TOPBP1: variants seen among roughly 807,000 people sequenced by gnomAD.
TOPBP1 encodes DNA topoisomerase 2-binding protein 1.
TOPBP1 carries 28 observed loss-of-function variants against 167.7 expected under a neutral mutation model. That is an observed-to-expected ratio of 0.17 (90% CI 0.12 to 0.23). The LOEUF (loss-of-function observed/expected upper bound fraction) is 0.23, where lower values mean the gene tolerates loss of function less well. Among genes scored for constraint, TOPBP1 ranks in the 10% least tolerant of loss-of-function variants. The probability of loss-of-function intolerance (pLI) is 1.00; values close to 1 mark genes in which losing one functional copy is unlikely to be tolerated. For synonymous variants in TOPBP1, 598 were observed against 611.4 expected (o/e 0.98, Z 0.32); for missense variants, 1,554 against 1,809.6 (o/e 0.86, Z 2.56).
chr3:133,636,623 T>C (rs547303131), intron 14 of TOPBP1, among the ~76,000 whole-genome samples: 2 of 152,354 alleles, frequency 1.3e-5, no homozygotes, highest in South Asian at 4.1e-4. Context: ...AATGTATCTA[T>C]ATAAGAATGG....
At chr3:133,618,464 C>G (rs748581590) in intron 20 of TOPBP1, 31 bp from the exon 21 acceptor site, 37 of 1,596,382 alleles carry the variant, frequency 2.3e-5, no homozygotes, top group Non-Finnish European at 2.7e-5. Context: ...TTTAAATAAA[C>G]AGCAATAACA....
At chr3:133,637,271 G>A (rs1935707866) in intron 14 of TOPBP1, among the ~76,000 whole-genome samples, 3 of 152,236 alleles carry the variant, frequency 2.0e-5, no homozygotes, top group South Asian at 4.2e-4. Context: ...ATGAAAATCA[G>A]TTTTGGAAAA....
At chr3:133,637,582 G>GA (rs1177024378) in intron 14 of TOPBP1, among the ~76,000 whole-genome samples, 2 of 152,238 alleles carry the variant, frequency 1.3e-5, no homozygotes, top group East Asian at 3.9e-4. Context: ...TTCTTTGTAT[G>GA]AAAAAACAAA....
At chr3:133,636,397 A>ATAG (rs34803049) in intron 14 of TOPBP1, among the ~76,000 whole-genome samples, 1 of 11,360 alleles carries the variant, frequency 8.8e-5, no homozygotes, top group Non-Finnish European at 2.3e-4. Flanking sequence ...TTTGAAGATG[A>ATAG]TAAGATTATC....
chr3:133,610,913 T>C (rs989778102), intron 25 of TOPBP1, 91 bp downstream of exon 25: 1 of 1,351,562 alleles, frequency 7.4e-7, no homozygotes, highest in East Asian at 2.4e-5. Flanking sequence ...AGAATCATTA[T>C]TTCCTGAAGC....
At chr3:133,624,892 T>C (rs144773661) in intron 16 of TOPBP1, among the ~76,000 whole-genome samples, 112 of 152,356 alleles carry the variant, frequency 7.4e-4, no homozygotes, top group African/African-American at 2.5e-3. Context: ...GAGTAAATGA[T>C]AGAGATAACT....
intron 14 of TOPBP1, among the ~76,000 whole-genome samples, chr3:133,629,747 C>T (rs1935400097): frequency 1.3e-5 from 2 of 152,118 alleles, no homozygotes; most frequent in South Asian, 4.2e-4. Context: ...CTCTTTTATA[C>T]TGAATGAGGT....
At position 133,655,417 on chromosome 3, in the gene TOPBP1, G is replaced by A. The variant is rs1225562915; in HGVS notation, c.615C>T (p.Ile205=). 4 of 1,603,160 alleles carry A rather than the reference G, an allele frequency of 2.5e-6. No individual in the cohort carries two copies. Among genetic ancestry groups the A allele is most frequent in the Non-Finnish European group, 3.4e-6 (4 of 1,174,942 alleles). The change falls in exon 6 of 28, where the codon ATC becomes ATT. Residue 205 remains isoleucine (I), a synonymous_variant. Coordinates refer to ENST00000260810, the MANE Select transcript of TOPBP1 (RefSeq NM_007027.4). ...CTAAGCCACATAAGCCAGTCACACA[G>A]ATTATGCAACCAAGAAAAATAGGAC... ...FKCPIFLGCI[I]CVTGLCGLDR... is the part of the protein sequence containing the mutation.
rs1934275722 is a variant in TOPBP1 at position 133,601,071 on chromosome 3, T to C, written c.*179A>G. 4.4e-6 allele frequency: 2 copies of C among 457,554 alleles called. No individual in the cohort carries two copies. The highest frequency in any genetic ancestry group is 2.1e-5 in the African/African-American group (1 of 47,946). 28.3% of individuals were successfully genotyped at this position (457,554 alleles called of 1,614,324 possible). A position where few individuals can be genotyped will look rare whatever the true frequency, so the allele number is the denominator to read the frequency against. ...CAGGTAACTTTTTATTAAGAAACAGTTAATATTTCAGTGATTACAATTTCA... is the reference window on the plus strand; with the variant it reads ...CAGGTAACTTTTTATTAAGAAACAGCTAATATTTCAGTGATTACAATTTCA... On this transcript the variant is annotated 3_prime_UTR_variant, in exon 28 of 28. Transcript: ENST00000260810.
rs183286785 is a variant in TOPBP1 at position 133,658,885 on chromosome 3, C to T, written c.219+131G>A. Reference sequence around the variant, plus strand: ...AATTAGCCTTTCAATCCTGGTCTTGCCAAACCAAAAGAATTCCAATGTACT... The same window carrying T: ...AATTAGCCTTTCAATCCTGGTCTTGTCAAACCAAAAGAATTCCAATGTACT... On this transcript the variant is annotated intron_variant, in intron 3 of 27. Coordinates refer to ENST00000260810, the MANE Select transcript of TOPBP1 (RefSeq NM_007027.4). The T allele has an allele frequency of 1.9e-4, 191 of 1,032,136 alleles. 2 individuals are homozygous for T. In the Admixed American group the frequency reaches 3.0e-3, roughly 16 times the overall value. The allele number at this position is 1,032,136 out of a possible 1,614,324, so 63.9% of individuals were successfully genotyped here.
intron 27 of TOPBP1, among the ~76,000 whole-genome samples, chr3:133,602,455 C>A (rs567513486): frequency 3.8e-4 from 58 of 152,216 alleles, no homozygotes; most frequent in Non-Finnish European, 7.8e-4. Flanking sequence ...AAAACTGACA[C>A]TCAAACTGGT....
Position 133,618,369 on chromosome 3 carries a change from C to T in TOPBP1, c.3436G>A (p.Asp1146Asn). The T allele has an allele frequency of 6.2e-7, 1 of 1,613,950 alleles. No individual in the cohort carries two copies. The highest frequency in any genetic ancestry group is 8.5e-7 in the Non-Finnish European group (1 of 1,179,856). The change falls in exon 21 of 28, where the codon GAT (aspartate) becomes AAT (asparagine). Residue 1146 changes from aspartate to asparagine, a missense_variant. Around this residue, in one of 3 missense-constraint regions of TOPBP1, gnomAD observed 6 missense variants for 25.2 expected, o/e 0.24. Coordinates refer to ENST00000260810, the MANE Select transcript of TOPBP1 (RefSeq NM_007027.4). ...EPSQNEQIIW[D>N]DPTAREERAR... The stretch of plus-strand genomic sequence containing the variant: ...CTCTCCTCCCTTGCTGTAGGGTCAT[C>T]CCAAATGATCTGTTCATTTTGGGAA...
chr3:133,655,462 T>C lies in TOPBP1; in HGVS notation c.570A>G (p.Ile190Met), dbSNP rs777343077. 2 of 1,547,522 alleles carry C rather than the reference T, an allele frequency of 1.3e-6. No homozygotes were observed. Among genetic ancestry groups the C allele is most frequent in the Non-Finnish European group, 1.7e-6 (2 of 1,146,326 alleles). ...QEKKITRYTD[I>M]NMEDFKCPIF... ...TAGGACACTTGAAATCTTCCATGTT[T>C]ATATCAGTATATCTAGTTATTTTTC... is the stretch of plus-strand genomic sequence containing the variant. The change falls in exon 6 of 28, where the codon ATA becomes ATG. Residue 190 changes from isoleucine to methionine, a missense_variant. Around this residue, in one of 3 missense-constraint regions of TOPBP1, gnomAD observed 1,197 missense variants for 1,351.5 expected, o/e 0.89. Transcript: ENST00000260810.
At chr3:133,626,714 T>C (rs1935280307) in intron 16 of TOPBP1, among the ~76,000 whole-genome samples, 2 of 152,234 alleles carry the variant, frequency 1.3e-5, no homozygotes, top group African/African-American at 2.4e-5. Context: ...TGTTTTCTAG[T>C]GTAGTCAGCC....
chr3:133,616,971 T>C, intron 22 of TOPBP1, 46 bp from the exon 23 acceptor site: 1 of 1,321,758 alleles, frequency 7.6e-7, no homozygotes, highest in Non-Finnish European at 1.0e-6. Context: ...TTAAAAATGA[T>C]CAGATACACA....
At chr3:133,605,679 T>C (rs1316491300) in intron 27 of TOPBP1, among the ~76,000 whole-genome samples, 3 of 152,160 alleles carry the variant, frequency 2.0e-5, no homozygotes, top group Non-Finnish European at 4.4e-5. Context: ...TGGTGAAATA[T>C]TGAACACTTT....
intron 8 of TOPBP1, among the ~76,000 whole-genome samples, chr3:133,651,038 A>G (rs1418526009): frequency 6.6e-6 from 1 of 151,820 alleles, no homozygotes; most frequent in African/African-American, 2.4e-5. Flanking sequence ...AAGATGTTGC[A>G]GTGAGCTGAG....
At chr3:133,629,048 T>C (rs1576295746) in intron 14 of TOPBP1, among the ~76,000 whole-genome samples, 1 of 152,090 alleles carries the variant, frequency 6.6e-6, no homozygotes, top group African/African-American at 2.4e-5. Context: ...AGAGTTGAAT[T>C]TGAAAACAAA....
rs760375434 is a variant in TOPBP1, at chr3:133,618,331, G to C, written c.3474C>G (p.Ala1158=). 1.2e-6 allele frequency: 2 copies of C among 1,613,954 alleles called. No homozygotes were observed. The highest frequency in any genetic ancestry group is 1.7e-6 in the Non-Finnish European group (2 of 1,179,870). ...PTAREERARL[A]SNLQWPSCPT... The stretch of plus-strand genomic sequence containing the variant: ...GACAACTAGGCCACTGCAAATTGCT[G>C]GCAAGCCTTGCTCTCTCCTCCCTTG... The change falls in exon 21 of 28, where the codon GCC becomes GCG. Residue 1158 remains alanine, a synonymous_variant. Coordinates refer to ENST00000260810, the MANE Select transcript of TOPBP1 (RefSeq NM_007027.4).
Sources: gnomAD v4.1 joint callset for allele counts (sites outside exome capture counted in the v4.1 genomes callset) on GRCh38, gnomAD v4.1.1 for gene constraint, gnomAD v4.1.1 regional missense constraint, MANE v1.5 for transcripts, NCBI Gene and HGNC (gene_info 2026-07-23, HGNC 2026-07-21) for gene names.